Variants in COPS5 observed in about 807,000 individuals in gnomAD.
COPS5 encodes the protein COP9 signalosome subunit 5, also known as COP9 signalosome complex subunit 5.
In COPS5, 8 loss-of-function variants were observed where a neutral mutation model predicts 44.4. That is an observed-to-expected ratio of 0.18 (90% CI 0.11 to 0.32). The LOEUF is 0.32. Ranked by LOEUF, COPS5 falls within the 10% of genes least tolerant of loss-of-function variation. COPS5 has a pLI of 1.00. For missense variants in COPS5, 159 were observed against 406.4 expected (o/e 0.39, Z 5.23); for synonymous variants, 122 against 142.8 (o/e 0.85, Z 1.04).
At chr8:67,052,413 T>C (rs1257163447) in intron 5 of COPS5, among the ~76,000 whole-genome samples, 1 of 151,164 alleles carries the variant, frequency 6.6e-6, no homozygotes, top group Non-Finnish European at 1.5e-5. Context: ...ACACAAAAGG[T>C]TAAGAATTTT....
rs1224571316 is a variant in COPS5, at chr8:67,043,241, T to A, written c.997A>T (p.Ile333Phe). The change falls in exon 8 of 8, where the codon ATC becomes TTC. Residue 333 changes from isoleucine (I) to phenylalanine (F), a missense_variant. Physicochemically the swap from Ile to Phe is conservative, Grantham distance 21. This residue lies in a region of COPS5 where 134 missense variants were observed against 376.7 expected (regional missense o/e 0.36). Coordinates refer to ENST00000357849, the MANE Select transcript of COPS5 (RefSeq NM_006837.3). ...IKDKLFNQIN[I>F]S ...TACTTCTCAGAGACTGTTTAAGAGA[T>A]GTTAATTTGATTAAACAGTTTATCC... is the stretch of plus-strand genomic sequence containing the variant. 2 of 1,542,000 alleles carry A rather than the reference T, an allele frequency of 1.3e-6. No homozygotes were observed.
intron 6 of COPS5, 195 bp downstream of exon 6, chr8:67,051,035 G>C (rs748297679): frequency 1.5e-5 from 8 of 537,942 alleles, no homozygotes; most frequent in Non-Finnish European, 2.7e-5. Flanking sequence ...CTTAGACTTG[G>C]TCTCTGTGGG....
At chr8:67,053,112 C>T (rs547572026) in intron 5 of COPS5, among the ~76,000 whole-genome samples, 2 of 151,930 alleles carry the variant, frequency 1.3e-5, no homozygotes, top group African/African-American at 2.4e-5. Flanking sequence ...TTTTCTGAGC[C>T]GCAATCTCAC....
At chr8:67,046,623 C>A (rs1446349661) in intron 6 of COPS5, among the ~76,000 whole-genome samples, 2 of 151,658 alleles carry the variant, frequency 1.3e-5, no homozygotes, top group African/African-American at 4.8e-5. Flanking sequence ...GAGTTCGAGA[C>A]CAGCCTGGCT....
Position 67,043,237 on chromosome 8 carries a change from G to A in COPS5, c.1001C>T (p.Ser334Phe). The change falls in exon 8 of 8, where the codon TCT becomes TTT. Residue 334 changes from serine (S) to phenylalanine (F), a missense_variant. Ser to Phe is a radical substitution (Grantham distance 155, BLOSUM62 -2). This residue lies in a region of COPS5 where 134 missense variants were observed against 376.7 expected (regional missense o/e 0.36). Transcript: ENST00000357849. ...AAAGTACTTCTCAGAGACTGTTTAAGAGATGTTAATTTGATTAAACAGTTT... is the reference window on the plus strand; with the variant it reads ...AAAGTACTTCTCAGAGACTGTTTAAAAGATGTTAATTTGATTAAACAGTTT... ...KDKLFNQINI[S>F] 6.6e-7 allele frequency: 1 copy of A among 1,521,512 alleles called. No homozygotes were observed. The highest frequency in any genetic ancestry group is 1.1e-5 in the South Asian group (1 of 87,576). 94.3% of individuals were successfully genotyped at this position (1,521,512 alleles called of 1,614,324 possible). A position where few individuals can be genotyped will look rare whatever the true frequency, so the allele number is the denominator to read the frequency against.
chr8:67,053,115 A>G (rs567390720), intron 5 of COPS5, among the ~76,000 whole-genome samples: 1 of 152,040 alleles, frequency 6.6e-6, no homozygotes, highest in African/African-American at 2.4e-5. Context: ...TCTGAGCCGC[A>G]ATCTCACTCT....
intron 4 of COPS5, 32 bp from the exon 5 acceptor site, chr8:67,056,636 G>GGAA (rs1188953750): frequency 7.1e-5 from 1 of 14,098 alleles, no homozygotes; most frequent in African/African-American, 9.8e-4. Context: ...AGAAGATTAA[G>GGAA]AAAAAAAAAA....
At chr8:67,049,684 C>T (rs566820413) in intron 6 of COPS5, among the ~76,000 whole-genome samples, 164 of 152,206 alleles carry the variant, frequency 1.1e-3, no homozygotes, top group Non-Finnish European at 2.0e-3. Context: ...TTTCTGGAAG[C>T]GTAATGCCTC....
chr8:67,048,008 G>C, intron 6 of COPS5: 1 of 658,986 alleles, frequency 1.5e-6, no homozygotes. Flanking sequence ...GGGCGCCGTG[G>C]CTCATGCCTG....
intron 2 of COPS5, among the ~76,000 whole-genome samples, chr8:67,059,003 C>A (rs569059909): frequency 2.8e-5 from 4 of 142,102 alleles, no homozygotes; most frequent in African/African-American, 8.0e-5. Context: ...GTCCCTGTCT[C>A]GAAAAAAAAA....
At chr8:67,060,549 G>A in intron 1 of COPS5, 1 of 1,270,908 alleles carries the variant, frequency 7.9e-7, no homozygotes, top group South Asian at 1.2e-5. Context: ...CCCTTTACTG[G>A]AGAAAAGAAG....
intron 1 of COPS5, chr8:67,060,524 G>T: frequency 1.6e-6 from 2 of 1,288,986 alleles, no homozygotes; most frequent in Non-Finnish European, 2.0e-6. Flanking sequence ...GACATGAATC[G>T]AAATCTTGGC....
chr8:67,061,505 C>T, intron 1 of COPS5: 1 of 435,370 alleles, frequency 2.3e-6, no homozygotes, highest in Non-Finnish European at 4.4e-6. Context: ...AAAACAGCTG[C>T]AATCCCCAGT....
At chr8:67,057,522 GTATACATACATATAACACTA>G (rs1308078593) in intron 3 of COPS5, 77 bp from the exon 4 acceptor site, 21 of 1,015,652 alleles carry the variant, frequency 2.1e-5, no homozygotes, top group Non-Finnish European at 2.9e-5. Flanking sequence ...ACCTAGAAAT[GTATACATACATATAACACTA>G]TATACATACA....
intron 7 of COPS5, chr8:67,043,686 A>C (rs1233304340): frequency 6.5e-6 from 1 of 154,370 alleles, no homozygotes; most frequent in Non-Finnish European, 1.4e-5. Context: ...TTTAAAGAAT[A>C]CTATGCTTTT....
At chr8:67,058,426 A>G (rs987651276) in intron 2 of COPS5, among the ~76,000 whole-genome samples, 1 of 152,218 alleles carries the variant, frequency 6.6e-6, no homozygotes, top group Non-Finnish European at 1.5e-5. Context: ...TAGATTGATA[A>G]AAACACACAC....
rs188802116 is a variant in COPS5, at chr8:67,052,478, C to T, written c.660-1137G>A. On this transcript the variant is annotated intron_variant, in intron 5 of 7. Transcript: ENST00000357849. The stretch of plus-strand genomic sequence containing the variant: ...GGTCACCCAGGCTGGAGTGCAATGG[C>T]ACAATCTCAGCTCACCACAACCTCT... Among the ~76,000 whole-genome samples the T allele has an allele frequency of 7.8e-3, 1,166 of 149,520 alleles. 7 individuals are homozygous for T. Among genetic ancestry groups the T allele is most frequent in the Middle Eastern group, 0.014 (4 of 280 alleles).
chr8:67,051,243 G>T lies in COPS5; in HGVS notation c.758C>A (p.Ser253Tyr). The T allele has an allele frequency of 6.2e-7, 1 of 1,600,026 alleles. No individual in the cohort carries two copies. Among genetic ancestry groups the T allele is most frequent in the Non-Finnish European group, 8.6e-7 (1 of 1,168,130 alleles). The change falls in exon 6 of 8, where the codon TCT becomes TAT. Residue 253 changes from serine to tyrosine, a missense_variant. Physicochemically the swap from Ser to Tyr is moderately radical, Grantham distance 144. Transcript: ENST00000357849. ...NKYWVNTLSS[S>Y]SLLTNADYTT... ...TATAGTACTTACAGTAAGCAAGCTA[G>T]AAGAACTCAACGTATTCACCCAGTA...
At chr8:67,055,724 G>A (rs1804493958) in intron 5 of COPS5, among the ~76,000 whole-genome samples, 1 of 151,900 alleles carries the variant, frequency 6.6e-6, no homozygotes, top group South Asian at 2.1e-4. Context: ...AAATTAGCTA[G>A]GTGTGGTGGC....
Sources: allele counts gnomAD v4.1 joint callset (sites outside exome capture counted in the v4.1 genomes callset), GRCh38; gene constraint gnomAD v4.1.1; regional missense constraint gnomAD v4.1.1; transcripts MANE v1.5; gene names NCBI Gene and HGNC (gene_info 2026-07-23, HGNC 2026-07-21).